PHIP: variants seen among roughly 807,000 people sequenced by gnomAD.
The protein encoded by PHIP is PHIP subunit of CUL4-Ring ligase complex, also known as PH-interacting protein.
PHIP carries 54 observed loss-of-function variants against 236.8 expected under a neutral mutation model. That is an observed-to-expected ratio of 0.23 (90% CI 0.18 to 0.29). PHIP has a LOEUF of 0.29. PHIP is among the 10% of genes least tolerant of loss of function. The pLI, the probability that PHIP is intolerant of heterozygous loss-of-function variation, is 1.00. For missense variants in PHIP, 1,370 were observed against 2,190.8 expected (o/e 0.63, Z 7.48); for synonymous variants, 756 against 718.9 (o/e 1.05, Z -0.83).
In PHIP at chr6:78,940,416, AGTGAATGAAATGAAT is replaced by A. The variant is rs1292274057; in HGVS notation, c.*262_*276del. On this transcript the variant is annotated 3_prime_UTR_variant, in exon 40 of 40. Transcript: ENST00000275034. ...TAGATCAATTTCTTTCGTTTCAAAC[AGTGAATGAAATGAAT>A]GTGAAAATGCATAACCTATCTAAGG... The A allele has an allele frequency of 1.9e-5, 3 of 154,048 alleles. No homozygotes were observed. The highest frequency in any genetic ancestry group is 7.3e-5 in the African/African-American group (3 of 41,342). The allele number at this position is 154,048 out of a possible 1,614,324, so 9.5% of individuals were successfully genotyped here.
chr6:79,044,589 G>A (rs1030536931), intron 6 of PHIP, among the ~76,000 whole-genome samples: 1 of 152,126 alleles, frequency 6.6e-6, no homozygotes, highest in African/African-American at 2.4e-5. Context: ...TCAGCTGTCT[G>A]TTGTAAGAAA....
At chr6:78,982,841 CTG>C (rs760829143) in intron 23 of PHIP, 43 bp downstream of exon 23, 43 of 1,158,176 alleles carry the variant, frequency 3.7e-5, no homozygotes, top group Non-Finnish European at 4.5e-5. Context: ...GTGCTTTAAA[CTG>C]TTTCTCTAGA....
At position 78,946,879 on chromosome 6, in the gene PHIP, G is replaced by T; in HGVS notation, c.4207-5C>A. 1 of 1,533,820 alleles carries T rather than the reference G, an allele frequency of 6.5e-7. No individual in the cohort carries two copies. Among genetic ancestry groups the T allele is most frequent in the Non-Finnish European group, 8.7e-7 (1 of 1,148,468 alleles). On this transcript the variant is annotated splice_polypyrimidine_tract_variant and splice_region_variant and intron_variant, in intron 36 of 39. Coordinates refer to ENST00000275034, the MANE Select transcript of PHIP (RefSeq NM_017934.7). ...GCGCAAACTCATGCTGTAAATCTGT[G>T]AGGGAAAAAAAAAAGTGTTCAACCA...
chr6:79,000,387 TAG>T (rs1452897986), intron 17 of PHIP, among the ~76,000 whole-genome samples: 1 of 152,086 alleles, frequency 6.6e-6, no homozygotes, highest in Admixed American at 6.6e-5. Context: ...GAGCTGAGGT[TAG>T]AGTCCCTGTG....
chr6:79,025,981 C>T lies in PHIP; in HGVS notation c.784G>A (p.Val262Ile). 1.9e-6 allele frequency: 3 copies of T among 1,613,710 alleles called. No individual in the cohort carries two copies. Among genetic ancestry groups the T allele is most frequent in the Non-Finnish European group, 1.7e-6 (2 of 1,179,712 alleles). Residue 262 changes from valine to isoleucine, a missense_variant, in exon 8 of 40, where the codon GTT becomes ATT. By Grantham distance (29) the Val-to-Ile change is conservative. This residue lies in a region of PHIP where 188 missense variants were observed against 354.3 expected (regional missense o/e 0.53). Coordinates refer to ENST00000275034, the MANE Select transcript of PHIP (RefSeq NM_017934.7). ...ATAGATGCACTATGGCCCTGAAGAACAGCCAAAGGTGCACAGGTTCGAAGA... is the reference window on the plus strand; with the variant it reads ...ATAGATGCACTATGGCCCTGAAGAATAGCCAAAGGTGCACAGGTTCGAAGA... ...WCLRTCAPLAVLQGHSASITS... is the reference protein window; with the variant it reads ...WCLRTCAPLAILQGHSASITS...
chr6:79,028,961 CA>C (rs1470582211), intron 7 of PHIP, among the ~76,000 whole-genome samples: 1 of 152,170 alleles, frequency 6.6e-6, no homozygotes, highest in Non-Finnish European at 1.5e-5. Flanking sequence ...AATTAACCTC[CA>C]GTGACTTTCA....
chr6:79,031,035 C>A (rs552460346), intron 7 of PHIP, among the ~76,000 whole-genome samples: 1 of 152,058 alleles, frequency 6.6e-6, no homozygotes, highest in East Asian at 1.9e-4. Flanking sequence ...CCTCCGCAGC[C>A]CAGGTTCAAG....
intron 4 of PHIP, among the ~76,000 whole-genome samples, chr6:79,072,742 C>G (rs1038270868): frequency 1.3e-5 from 2 of 152,122 alleles, no homozygotes; most frequent in Non-Finnish European, 2.9e-5. Context: ...GGATTACAGG[C>G]ATGAGCCACC....
At chr6:79,054,015 G>C in intron 6 of PHIP, among the ~76,000 whole-genome samples, 1 of 150,260 alleles carries the variant, frequency 6.7e-6, no homozygotes, top group East Asian at 1.9e-4. Flanking sequence ...CCTTTTTTTT[G>C]TCAACCATTA....
At chr6:79,040,420 G>T (rs995464421) in intron 7 of PHIP, among the ~76,000 whole-genome samples, 2 of 152,078 alleles carry the variant, frequency 1.3e-5, no homozygotes, top group African/African-American at 4.8e-5. Context: ...AAATATCTTA[G>T]AAATAAATCT....
chr6:78,944,799 T>C (rs1773709747), intron 39 of PHIP, among the ~76,000 whole-genome samples: 1 of 152,220 alleles, frequency 6.6e-6, no homozygotes, highest in Non-Finnish European at 1.5e-5. Context: ...TATTTTAACA[T>C]GTCACATGGC....
chr6:78,972,519 C>G lies in PHIP; in HGVS notation c.2890-1631G>C, dbSNP rs145448636. On this transcript the variant is annotated intron_variant, in intron 24 of 39. Coordinates refer to ENST00000275034, the MANE Select transcript of PHIP (RefSeq NM_017934.7). ...GCTCCTCACCAGCAATGGAACAAAGCTGGACGCAGAATGACTTTGATGAGC... is the reference window on the plus strand; with the variant it reads ...GCTCCTCACCAGCAATGGAACAAAGGTGGACGCAGAATGACTTTGATGAGC... Among the ~76,000 whole-genome samples, 515 of 152,348 alleles carry G rather than the reference C, an allele frequency of 3.4e-3. 2 individuals carry two copies. The highest frequency in any genetic ancestry group is 0.011 in the African/African-American group (450 of 41,592).
chr6:79,029,920 T>A (rs1350953521), intron 7 of PHIP, among the ~76,000 whole-genome samples: 1 of 152,194 alleles, frequency 6.6e-6, no homozygotes, highest in Non-Finnish European at 1.5e-5. Context: ...CACTCTCTTT[T>A]CCATAAGCCT....
At chr6:78,985,542 T>G in intron 21 of PHIP, 114 bp from the exon 22 acceptor site, 1 of 724,684 alleles carries the variant, frequency 1.4e-6, no homozygotes, top group Non-Finnish European at 2.5e-6. Context: ...TATTTAAAAT[T>G]TGATTTAAAT....
At chr6:79,060,323 AACT>A (rs532289790) in intron 6 of PHIP, among the ~76,000 whole-genome samples, 152 bp downstream of exon 6, 3 of 152,186 alleles carry the variant, frequency 2.0e-5, no homozygotes, top group East Asian at 1.9e-4. Flanking sequence ...TCACTATTAA[AACT>A]ACTACTAAGA....
In PHIP at chr6:78,940,740, C is replaced by G; in HGVS notation, c.5419G>C (p.Val1807Leu). Residue 1807 changes from valine to leucine, a missense_variant, in exon 40 of 40, where the codon GTC (valine) becomes CTC (leucine). This residue lies in a region of PHIP where 30 missense variants were observed against 68.2 expected (regional missense o/e 0.44). Coordinates refer to ENST00000275034, the MANE Select transcript of PHIP (RefSeq NM_017934.7). ...TTTGCTTTTTCAGTCAACTTTCGGA[C>G]TCGTCCTCTACTAGAAGTTCCAAAA... ...LTFGTSSRGR[V>L]RKLTEKAKAN... is the part of the protein sequence containing the mutation. 1 of 1,613,380 alleles carries G rather than the reference C, an allele frequency of 6.2e-7. No homozygotes were observed. Among genetic ancestry groups the G allele is most frequent in the Non-Finnish European group, 8.5e-7 (1 of 1,179,604 alleles).
At chr6:79,062,144 TATC>T (rs1270584021) in intron 4 of PHIP, among the ~76,000 whole-genome samples, 1 of 152,168 alleles carries the variant, frequency 6.6e-6, no homozygotes, top group Admixed American at 6.5e-5. Flanking sequence ...ATACAGTTTG[TATC>T]ATATGAATTA....
At chr6:79,062,892 T>G (rs1582309494) in intron 4 of PHIP, among the ~76,000 whole-genome samples, 1 of 152,232 alleles carries the variant, frequency 6.6e-6, no homozygotes. Context: ...TCTCACTCAC[T>G]GCCTTCCATG....
At chr6:78,975,026 G>A (rs1346852805) in intron 24 of PHIP, among the ~76,000 whole-genome samples, 1 of 150,982 alleles carries the variant, frequency 6.6e-6, no homozygotes, top group African/African-American at 2.4e-5. Flanking sequence ...CATTTTATGA[G>A]GCCAGCATCA....
Sources: allele counts gnomAD v4.1 joint callset (sites outside exome capture counted in the v4.1 genomes callset), GRCh38; gene constraint gnomAD v4.1.1; regional missense constraint gnomAD v4.1.1; transcripts MANE v1.5; gene names NCBI Gene and HGNC (gene_info 2026-07-23, HGNC 2026-07-21).